ESYT2: variants seen among roughly 807,000 people sequenced by gnomAD.
The protein encoded by ESYT2 is extended synaptotagmin-2.
A neutral mutation model predicts 107.2 loss-of-function variants in ESYT2; 54 were observed. The observed-to-expected ratio is 0.50, with a 90% CI of 0.40 to 0.63. ESYT2 has a LOEUF of 0.63. Ranked by LOEUF, ESYT2 falls within the 30% of genes least tolerant of loss-of-function variation. The pLI, the probability that ESYT2 is intolerant of heterozygous loss-of-function variation, is 0.00. For synonymous variants in ESYT2, 491 were observed against 434.1 expected, an observed-to-expected ratio of 1.13 and a Z score of -1.63; for missense variants, 1,020 against 1,094.5, an observed-to-expected ratio of 0.93 and a Z score of 0.96.
chr7:158,736,270 C>T (rs1836946388), intron 20 of ESYT2, among the ~76,000 whole-genome samples: 1 of 152,184 alleles, frequency 6.6e-6, no homozygotes, highest in African/African-American at 2.4e-5. Context: ...GGGTGTTTTA[C>T]ATAAAGCTAC....
intron 18 of ESYT2, among the ~76,000 whole-genome samples, chr7:158,739,369 G>A (rs970669170): frequency 1.4e-4 from 22 of 151,964 alleles, no homozygotes; most frequent in African/African-American, 5.3e-4. Flanking sequence ...TTTTTGAGAC[G>A]GAGTTTCACT....
At chr7:158,774,480 A>G (rs1299939211) in intron 6 of ESYT2, among the ~76,000 whole-genome samples, 3 of 16,744 alleles carry the variant, frequency 1.8e-4, no homozygotes, top group Non-Finnish European at 4.2e-4. Flanking sequence ...TCCCTAGTCC[A>G]CCCATTGAAC....
chr7:158,802,008 G>A (rs1004256328), intron 1 of ESYT2, among the ~76,000 whole-genome samples: 4 of 152,182 alleles, frequency 2.6e-5, no homozygotes, highest in East Asian at 1.9e-4. Context: ...GGAACAGGTA[G>A]AATAAAGAGA....
rs770298993 is a variant in ESYT2, at chr7:158,829,176, G to A, written c.243C>T (p.Ala81=). The A allele has an allele frequency of 1.9e-6, 3 of 1,541,726 alleles. No individual in the cohort carries two copies. The highest frequency in any genetic ancestry group is 1.9e-5 in the Admixed American group (1 of 51,536). ...AWCRRSRGLK[A]LRLCRALALL... ...GCGCCAGCGCGCGGCACAGGCGCAGGGCCTTGAGGCCGCGGCTGCGGCGAC... is the reference window on the plus strand; with the variant it reads ...GCGCCAGCGCGCGGCACAGGCGCAGAGCCTTGAGGCCGCGGCTGCGGCGAC... Residue 81 remains alanine, a synonymous_variant, in exon 1 of 23, where the codon GCC becomes GCT. Coordinates refer to ENST00000275418, the MANE Select transcript of ESYT2 (RefSeq NM_001367773.1).
chr7:158,802,405 C>T (rs748557216), intron 1 of ESYT2, among the ~76,000 whole-genome samples: 5 of 152,098 alleles, frequency 3.3e-5, no homozygotes, highest in Non-Finnish European at 5.9e-5. Flanking sequence ...TCCTGCCTCT[C>T]GAGTAGCTGG....
In ESYT2 at chr7:158,796,103, A is replaced by G. The variant is rs186243797; in HGVS notation, c.507+1839T>C. On this transcript the variant is annotated intron_variant, in intron 3 of 22. Coordinates refer to ENST00000275418, the MANE Select transcript of ESYT2 (RefSeq NM_001367773.1). ...CCCTCCCACAGCCACATCTATCACAACCCTGAACCGCACTGCACGGGGATG... is the reference window on the plus strand; with the variant it reads ...CCCTCCCACAGCCACATCTATCACAGCCCTGAACCGCACTGCACGGGGATG... Among the ~76,000 whole-genome samples, 64 of 152,140 alleles carry G rather than the reference A, an allele frequency of 4.2e-4. No individual in the cohort carries two copies. In the East Asian group the frequency reaches 0.012, roughly 29 times the overall value.
rs1837214211 is a variant in ESYT2 at position 158,741,689 on chromosome 7, G to A, written c.2002C>T (p.Pro668Ser). The change falls in exon 18 of 23, where the codon CCT (proline) becomes TCT (serine). Residue 668 changes from proline to serine, a missense_variant. By Grantham distance (74) the Pro-to-Ser change is moderately conservative. Coordinates refer to ENST00000275418, the MANE Select transcript of ESYT2 (RefSeq NM_001367773.1). Reference protein sequence around the residue: ...KPGMEEKAQPPEAGPQGLHDL... With the variant: ...KPGMEEKAQPSEAGPQGLHDL... The stretch of plus-strand genomic sequence containing the variant: ...TGCAGCCCCTGAGGGCCGGCCTCAG[G>A]GGGCTGGGCCTTTTCTTCCATACCA... 3.1e-6 allele frequency: 5 copies of A among 1,614,062 alleles called. No individual in the cohort carries two copies. The highest frequency in any genetic ancestry group is 4.2e-6 in the Non-Finnish European group (5 of 1,180,000).
intron 13 of ESYT2, among the ~76,000 whole-genome samples, chr7:158,755,864 T>G (rs1837736609): frequency 6.6e-6 from 1 of 151,510 alleles, no homozygotes; most frequent in African/African-American, 2.4e-5. Context: ...CTAGGGGCCG[T>G]CAGGGGGTAG....
chr7:158,819,943 C>T (rs1840244719), intron 1 of ESYT2, among the ~76,000 whole-genome samples: 1 of 152,152 alleles, frequency 6.6e-6, no homozygotes, highest in South Asian at 2.1e-4. Flanking sequence ...GTGTGGTTAT[C>T]ACTAATTCCA....
At chr7:158,782,046 AGT>A (rs375077648) in intron 6 of ESYT2, among the ~76,000 whole-genome samples, 3,145 of 151,236 alleles carry the variant, frequency 0.021, 109 homozygotes, top group African/African-American at 0.071. Flanking sequence ...AACGAGAACA[AGT>A]GTGAGTGAAC....
At chr7:158,769,971 C>T (rs1253026690) in intron 7 of ESYT2, among the ~76,000 whole-genome samples, 2 of 151,948 alleles carry the variant, frequency 1.3e-5, no homozygotes, top group African/African-American at 4.8e-5. Context: ...GTTGCCCAGG[C>T]TGGAGTGCTA....
chr7:158,743,282 G>A (rs532917627), intron 17 of ESYT2, among the ~76,000 whole-genome samples: 14 of 152,296 alleles, frequency 9.2e-5, no homozygotes, highest in South Asian at 2.1e-4. Context: ...TTGAGTAGCC[G>A]TGGGCCTGCT....
At chr7:158,824,822 T>C (rs374340154) in intron 1 of ESYT2, among the ~76,000 whole-genome samples, 1 of 152,162 alleles carries the variant, frequency 6.6e-6, no homozygotes, top group East Asian at 1.9e-4. Flanking sequence ...TAATGAAAAA[T>C]TGCCCTTATT....
intron 1 of ESYT2, among the ~76,000 whole-genome samples, chr7:158,804,388 T>G (rs527383171): frequency 7.2e-6 from 1 of 138,002 alleles, no homozygotes; most frequent in African/African-American, 2.8e-5. Flanking sequence ...GTGAGGCGAG[T>G]GACAAACCCA....
chr7:158,819,067 G>A (rs1189363616), intron 1 of ESYT2, among the ~76,000 whole-genome samples: 1 of 152,242 alleles, frequency 6.6e-6, no homozygotes, highest in Non-Finnish European at 1.5e-5. Flanking sequence ...ACTTGTAACT[G>A]TTAGCAAACT....
At chr7:158,754,258 G>A (rs1345370323) in intron 13 of ESYT2, among the ~76,000 whole-genome samples, 2 of 152,114 alleles carry the variant, frequency 1.3e-5, no homozygotes, top group Non-Finnish European at 1.5e-5. Flanking sequence ...CCAGGCTGCA[G>A]TGCAGTGGCA....
At position 158,761,591 on chromosome 7, in the gene ESYT2, C is replaced by T. The variant is rs775847546; in HGVS notation, c.1185-47G>A. 17 of 1,521,920 alleles carry T rather than the reference C, an allele frequency of 1.1e-5. No homozygotes were observed. The Middle Eastern group carries it at 7.3e-4, about 66-fold the overall frequency. The allele number at this position is 1,521,920 out of a possible 1,614,324, so 94.3% of individuals were successfully genotyped here. A position where few individuals can be genotyped will look rare whatever the true frequency, so the allele number is the denominator to read the frequency against. ...AACTTTAGAACATAGAAACACATTT[C>T]TTACTGAAACAACTTTAAAACATAG... On this transcript the variant is annotated intron_variant, in intron 10 of 22. Coordinates refer to ENST00000275418, the MANE Select transcript of ESYT2 (RefSeq NM_001367773.1).
At chr7:158,747,138 G>A (rs1200274572) in intron 16 of ESYT2, among the ~76,000 whole-genome samples, 2 of 152,028 alleles carry the variant, frequency 1.3e-5, no homozygotes, top group Admixed American at 6.6e-5. Context: ...CTGAGGTCAG[G>A]AGTTCAAGGC....
chr7:158,748,433 A>G (rs1280359243), intron 15 of ESYT2, among the ~76,000 whole-genome samples, 153 bp from the exon 16 acceptor site: 1 of 152,232 alleles, frequency 6.6e-6, no homozygotes, highest in African/African-American at 2.4e-5. Flanking sequence ...ATTCCAAGAC[A>G]TGTATTTGCA....
Sources: allele counts gnomAD v4.1 joint callset (sites outside exome capture counted in the v4.1 genomes callset), GRCh38; gene constraint gnomAD v4.1.1; transcripts MANE v1.5; gene names NCBI Gene and HGNC (gene_info 2026-07-23, HGNC 2026-07-21).